Variants in MN1 observed in about 807,000 individuals in gnomAD.
MN1 encodes the protein transcriptional activator MN1.
In MN1, 19 loss-of-function variants were observed where a neutral mutation model predicts 86.9. The ratio of observed to expected loss-of-function variants is 0.22; its 90% CI spans 0.15 to 0.32. MN1 has a LOEUF of 0.32. Among genes scored for constraint, MN1 ranks in the 10% least tolerant of loss-of-function variants. The pLI is 1.00. For missense variants in MN1, 1,841 were observed against 1,862.0 expected (o/e 0.99, Z 0.21); for synonymous variants, 928 against 849.6 (o/e 1.09, Z -1.60).
chr22:27,771,846 G>A (rs1932919604), intron 1 of MN1, among the ~76,000 whole-genome samples: 1 of 152,324 alleles, frequency 6.6e-6, no homozygotes, highest in Admixed American at 6.5e-5. Flanking sequence ...GAGGCTCGGA[G>A]AAAGGAGGTA....
In MN1 at chr22:27,798,299, C is replaced by T. The variant is rs2146316529; in HGVS notation, c.2245G>A (p.Gly749Ser). 1 of 1,525,800 alleles carries T rather than the reference C, an allele frequency of 6.6e-7. No homozygotes were observed. The highest frequency in any genetic ancestry group is 8.7e-7 in the Non-Finnish European group (1 of 1,146,498). 94.5% of individuals were successfully genotyped at this position (1,525,800 alleles called of 1,614,324 possible). A position where few individuals can be genotyped will look rare whatever the true frequency, so the allele number is the denominator to read the frequency against. Residue 749 changes from glycine (G) to serine (S), a missense_variant, in exon 1 of 2, where the codon GGT (glycine) becomes AGT (serine). By Grantham distance (56) the Gly-to-Ser change is moderately conservative. Coordinates refer to ENST00000302326, the MANE Select transcript of MN1 (RefSeq NM_002430.3). ...ALGGQPGFPF[G>S]AAGRQSTPHS... ...GGCGTGGACTGCCGGCCGGCTGCAC[C>T]AAACGGAAAGCCCGGCTGGCCCCCG...
At chr22:27,758,812 G>A (rs2146295271) in intron 1 of MN1, among the ~76,000 whole-genome samples, 1 of 152,270 alleles carries the variant, frequency 6.6e-6, no homozygotes, top group East Asian at 1.9e-4. Context: ...CCAATAGAAA[G>A]TATAGTCACA....
intron 1 of MN1, among the ~76,000 whole-genome samples, chr22:27,790,390 A>G: frequency 6.6e-6 from 1 of 152,110 alleles, no homozygotes; most frequent in East Asian, 1.9e-4. Context: ...GCAGGAAATG[A>G]CCAGGGCCAC....
At chr22:27,769,271 C>T (rs1932894659) in intron 1 of MN1, among the ~76,000 whole-genome samples, 1 of 152,190 alleles carries the variant, frequency 6.6e-6, no homozygotes, top group South Asian at 2.1e-4. Context: ...TCCAGATTAG[C>T]ACTTGATATT....
chr22:27,756,061 C>T (rs1011244937), intron 1 of MN1, among the ~76,000 whole-genome samples: 3 of 152,208 alleles, frequency 2.0e-5, no homozygotes, highest in African/African-American at 7.2e-5. Context: ...CCAACGCTGG[C>T]TATGAGTACA....
At chr22:27,777,905 A>C (rs917492514) in intron 1 of MN1, among the ~76,000 whole-genome samples, 9 of 152,002 alleles carry the variant, frequency 5.9e-5, no homozygotes, top group African/African-American at 2.2e-4. Flanking sequence ...AAAGAAAAGA[A>C]AAATTCTACA....
Position 27,798,039 on chromosome 22 carries a change from C to T in MN1, c.2505G>A (p.Met835Ile). ...GGTTGGGGGCCCCGAGGCTGGCGATCATGTTCTGGCAAGCGGTGGAGAGCG... is the reference window on the plus strand; with the variant it reads ...GGTTGGGGGCCCCGAGGCTGGCGATTATGTTCTGGCAAGCGGTGGAGAGCG... ...LAALSTACQN[M>I]IASLGAPNLN... The change falls in exon 1 of 2, where the codon ATG (methionine) becomes ATA (isoleucine). Residue 835 changes from methionine to isoleucine, a missense_variant. Coordinates refer to ENST00000302326, the MANE Select transcript of MN1 (RefSeq NM_002430.3). 1 of 1,609,970 alleles carries T rather than the reference C, an allele frequency of 6.2e-7. No homozygotes were observed. The highest frequency in any genetic ancestry group is 1.1e-5 in the South Asian group (1 of 90,808).
rs761791661 is a variant in MN1, at chr22:27,799,000, G to A, written c.1544C>T (p.Pro515Leu). 2.5e-6 allele frequency: 4 copies of A among 1,608,530 alleles called. No homozygotes were observed. The highest frequency in any genetic ancestry group is 1.1e-5 in the South Asian group (1 of 90,458). Residue 515 changes from proline (P) to leucine (L), a missense_variant, in exon 1 of 2, where the codon CCG becomes CTG. Pro to Leu is a moderately conservative substitution (Grantham distance 98, BLOSUM62 -3). Transcript: ENST00000302326. ...SFPSGPPLQH[P>L]APDHQSLQQQ... ...TTGCAGGGACTGGTGGTCCGGGGCCGGATGCTGCAGGGGCGGCCCCGAAGG... is the reference window on the plus strand; with the variant it reads ...TTGCAGGGACTGGTGGTCCGGGGCCAGATGCTGCAGGGGCGGCCCCGAAGG...
At position 27,771,255 on chromosome 22, in the gene MN1, G is replaced by C. The variant is rs953643396; in HGVS notation, c.3782-20159C>G. 2.4e-5 allele frequency among the ~76,000 whole-genome samples: 3 copies of C among 127,424 alleles called. No homozygotes were observed. The Admixed American group carries it at 2.7e-4, about 12-fold the overall frequency. 83.6% of individuals were successfully genotyped at this position (127,424 alleles called of 152,430 possible). On this transcript the variant is annotated intron_variant, in intron 1 of 1. Transcript: ENST00000302326. ...TTTTTTTTTTTTTTTTAGAGATAGG[G>C]TCTCACTCTGTCATCCAGGCTGGAA...
At position 27,798,918 on chromosome 22, in the gene MN1, T is replaced by TTGCTGTTGC. The variant is rs752874089; in HGVS notation, c.1617_1625dup (p.Gln548_Gln550dup). 1.0e-5 allele frequency: 16 copies of TTGCTGTTGC among 1,558,556 alleles called. No individual in the cohort carries two copies. The highest frequency in any genetic ancestry group is 2.4e-5 in the East Asian group (1 of 42,060). Reference sequence around the variant, plus strand: ...GCTGCTGCTGCTGCTGCTGTTGCTGTTGCTGTTGCTGCTGCTGCTGCTGCT... The same window carrying TTGCTGTTGC: ...GCTGCTGCTGCTGCTGCTGTTGCTGTTGCTGTTGCTGCTGTTGCTGCTGCTGCTGCTGCT... On this transcript the variant is annotated inframe_insertion, in exon 1 of 2. Transcript: ENST00000302326.
At chr22:27,785,088 A>ACT (rs1049332179) in intron 1 of MN1, among the ~76,000 whole-genome samples, 9 of 152,070 alleles carry the variant, frequency 5.9e-5, no homozygotes, top group African/African-American at 1.9e-4. Context: ...ACACACACAC[A>ACT]CACACACACG....
In MN1 at chr22:27,798,726, T is replaced by C. The variant is rs1392198270; in HGVS notation, c.1818A>G (p.Glu606=). The C allele has an allele frequency of 5.2e-6, 8 of 1,535,644 alleles. No individual in the cohort carries two copies. Among genetic ancestry groups the C allele is most frequent in the African/African-American group, 1.4e-5 (1 of 72,962 alleles). ...GACGCCCGGCGCCCGTGCTGCCGCC[T>C]TCGCGCTCAAAGTTCGGCTGGGCCA... ...GGLAQPNFER[E]GGSTGAGRLG... is the part of the protein sequence containing the mutation. The change falls in exon 1 of 2, where the codon GAA becomes GAG. Residue 606 remains glutamate, a synonymous_variant. Transcript: ENST00000302326.
chr22:27,766,288 G>A (rs2146299022), intron 1 of MN1, among the ~76,000 whole-genome samples: 1 of 152,270 alleles, frequency 6.6e-6, no homozygotes, highest in East Asian at 1.9e-4. Context: ...CTCCACCTTG[G>A]GGGTTGGAGA....
chr22:27,780,693 A>C (rs1933042727), intron 1 of MN1, among the ~76,000 whole-genome samples: 2 of 152,136 alleles, frequency 1.3e-5, no homozygotes, highest in South Asian at 4.2e-4. Context: ...GGTGGCCCAG[A>C]CTAGGAACTC....
chr22:27,750,141 T>A lies in MN1; in HGVS notation c.*774A>T, dbSNP rs146816063. On this transcript the variant is annotated 3_prime_UTR_variant, in exon 2 of 2. Transcript: ENST00000302326. Reference sequence around the variant, plus strand: ...CCAACTCCTTCCCACAGAGCAGAGCTGGACACGTCCTCACGTCCATCGCAG... The same window carrying A: ...CCAACTCCTTCCCACAGAGCAGAGCAGGACACGTCCTCACGTCCATCGCAG... 6.1e-3 allele frequency: 1,406 copies of A among 232,036 alleles called. 20 individuals are homozygous for A. The highest frequency in any genetic ancestry group is 0.029 in the African/African-American group (1,327 of 45,370). The allele number at this position is 232,036 out of a possible 1,614,324, so 14.4% of individuals were successfully genotyped here. A position where few individuals can be genotyped will look rare whatever the true frequency, so the allele number is the denominator to read the frequency against.
chr22:27,760,859 G>A (rs1043330993), intron 1 of MN1, among the ~76,000 whole-genome samples: 1 of 152,204 alleles, frequency 6.6e-6, no homozygotes, highest in African/African-American at 2.4e-5. Context: ...GTCTCTATGC[G>A]AGTCGGCTCC....
chr22:27,796,362 C>A (rs1300867925), intron 1 of MN1, among the ~76,000 whole-genome samples: 1 of 151,186 alleles, frequency 6.6e-6, no homozygotes, highest in Non-Finnish European at 1.5e-5. Flanking sequence ...CCAGGGAAGG[C>A]GGCACACAGC....
At chr22:27,755,005 G>A (rs971964772) in intron 1 of MN1, among the ~76,000 whole-genome samples, 1 of 152,204 alleles carries the variant, frequency 6.6e-6, no homozygotes. Flanking sequence ...GTTGGGTCCA[G>A]TGTACTGACT....
intron 1 of MN1, among the ~76,000 whole-genome samples, chr22:27,792,555 C>T (rs1933228350): frequency 6.6e-6 from 1 of 151,610 alleles, no homozygotes; most frequent in South Asian, 2.1e-4. Flanking sequence ...AGGAGGCGGG[C>T]AAAGTAGACA....
Sources: allele counts gnomAD v4.1 joint callset (sites outside exome capture counted in the v4.1 genomes callset), GRCh38; gene constraint gnomAD v4.1.1; transcripts MANE v1.5; gene names NCBI Gene and HGNC (gene_info 2026-07-23, HGNC 2026-07-21).